AOPEP: variants seen among roughly 807,000 people sequenced by gnomAD.
AOPEP encodes aminopeptidase O (putative).
Under a neutral mutation model 98.1 loss-of-function variants are expected in AOPEP, and 77 were observed. That is an observed-to-expected ratio of 0.78 (90% CI 0.65 to 0.95). AOPEP has a LOEUF of 0.95. Among genes scored for constraint, AOPEP ranks in the 40% least tolerant of loss-of-function variants. AOPEP has a pLI of 0.00. For synonymous variants in AOPEP, 346 were observed against 365.3 expected (o/e 0.95, Z 0.60); for missense variants, 1,024 against 1,024.7 (o/e 1.00, Z 0.01).
chr9:95,107,820 T>A, the AOPEP span, among the ~76,000 whole-genome samples: 1 of 152,178 alleles, frequency 6.6e-6, no homozygotes, highest in Admixed American at 6.5e-5. Context: ...TTGTTTTAGA[T>A]GCCGGAACAA....
intron 1 of AOPEP, among the ~76,000 whole-genome samples, chr9:94,739,644 CA>C (rs56210021): frequency 0.1 from 8,132 of 79,306 alleles, 199 homozygotes; most frequent in Admixed American, 0.14. Context: ...AACTTCGTCT[CA>C]AAAAAAAAAA....
chr9:95,082,866 GC>G (rs1162322932), intron 16 of AOPEP, 147 bp downstream of exon 16: 2 of 887,272 alleles, frequency 2.3e-6, no homozygotes, highest in Admixed American at 2.5e-5. Flanking sequence ...AGAGTAACTG[GC>G]CAAGTGGGTG....
intron 2 of AOPEP, 60 bp downstream of exon 2, chr9:94,760,640 C>A: frequency 7.4e-7 from 1 of 1,358,298 alleles, no homozygotes; most frequent in Non-Finnish European, 1.0e-6. Flanking sequence ...TGCGGGGATG[C>A]TTTCAAACAT....
At chr9:94,859,231 G>A (rs78002119) in intron 5 of AOPEP, among the ~76,000 whole-genome samples, 5 of 152,096 alleles carry the variant, frequency 3.3e-5, no homozygotes, top group South Asian at 2.1e-4. Context: ...GAACCTGACC[G>A]TGCTAGCATA....
intron 3 of AOPEP, among the ~76,000 whole-genome samples, chr9:94,782,054 G>A (rs573397499): frequency 6.6e-5 from 10 of 151,596 alleles, no homozygotes; most frequent in South Asian, 2.1e-4. Flanking sequence ...TTAGCCGGGC[G>A]TGGTGGCAGG....
At chr9:94,743,431 T>C (rs749230077) in intron 1 of AOPEP, among the ~76,000 whole-genome samples, 4 of 152,108 alleles carry the variant, frequency 2.6e-5, no homozygotes, top group African/African-American at 4.8e-5. Flanking sequence ...TGTAGTGAAG[T>C]GGTGTGATCA....
chr9:95,017,253 A>G (rs2063084956), intron 13 of AOPEP, among the ~76,000 whole-genome samples: 3 of 152,126 alleles, frequency 2.0e-5, no homozygotes, highest in Admixed American at 1.3e-4. Flanking sequence ...ACATCACTTA[A>G]TTATGGGGAA....
chr9:95,113,392 C>G, the AOPEP span, among the ~76,000 whole-genome samples: 1 of 152,156 alleles, frequency 6.6e-6, no homozygotes, highest in South Asian at 2.1e-4. Context: ...AAATTATACT[C>G]TGAAAGAGGA....
At chr9:94,808,498 G>C (rs1849759691) in intron 5 of AOPEP, among the ~76,000 whole-genome samples, 1 of 152,202 alleles carries the variant, frequency 6.6e-6, no homozygotes, top group African/African-American at 2.4e-5. Context: ...TTTAACCCCA[G>C]AGTGGAGCTC....
At chr9:94,867,982 T>C (rs575079175) in intron 5 of AOPEP, among the ~76,000 whole-genome samples, 1 of 152,320 alleles carries the variant, frequency 6.6e-6, no homozygotes, top group Admixed American at 6.5e-5. Context: ...CTTCCTGTTT[T>C]CTCAACCCAT....
chr9:95,077,545 C>T (rs535060170), intron 14 of AOPEP, among the ~76,000 whole-genome samples: 110 of 152,280 alleles, frequency 7.2e-4, no homozygotes, highest in African/African-American at 1.8e-3. Context: ...TGACCACCCT[C>T]GTTAATAAAT....
At chr9:94,874,553 C>T (rs2046704564) in intron 5 of AOPEP, among the ~76,000 whole-genome samples, 2 of 152,136 alleles carry the variant, frequency 1.3e-5, no homozygotes, top group South Asian at 4.1e-4. Flanking sequence ...CTCACTGTGT[C>T]CTAAGGTATG....
chr9:95,053,084 C>T (rs2133820917), intron 13 of AOPEP, among the ~76,000 whole-genome samples: 1 of 152,220 alleles, frequency 6.6e-6, no homozygotes, highest in Non-Finnish European at 1.5e-5. Context: ...TGTTAGAGCA[C>T]ATGCTTTAAT....
chr9:94,853,184 G>A (rs1161078616), intron 5 of AOPEP, among the ~76,000 whole-genome samples: 1 of 152,184 alleles, frequency 6.6e-6, no homozygotes, highest in Non-Finnish European at 1.5e-5. Flanking sequence ...ACAAGGCTGG[G>A]CGCAGTGGCT....
In AOPEP at chr9:95,065,014, T is replaced by C. The variant is rs868331140; in HGVS notation, c.2232+4204T>C. 3.9e-5 allele frequency among the ~76,000 whole-genome samples: 6 copies of C among 152,350 alleles called. No homozygotes were observed. In the South Asian group the frequency reaches 1.2e-3, roughly 32 times the overall value. ...CTTTGGAGGGCTTGGAGATGTGAAA[T>C]GTTCAGGAGGGTCTTTTCCCTGCTG... On this transcript the variant is annotated intron_variant, in intron 14 of 16. Coordinates refer to ENST00000375315, the MANE Select transcript of AOPEP (RefSeq NM_001193329.3).
chr9:94,965,915 T>C (rs1340119099), intron 9 of AOPEP, among the ~76,000 whole-genome samples: 1 of 151,352 alleles, frequency 6.6e-6, no homozygotes, highest in Non-Finnish European at 1.5e-5. Flanking sequence ...GGCTTCGGTC[T>C]GCAGTTAACT....
the AOPEP span, among the ~76,000 whole-genome samples, chr9:95,144,446 T>C: frequency 1.3e-5 from 2 of 152,320 alleles, no homozygotes; most frequent in East Asian, 1.9e-4. Context: ...GTGGGCCTGC[T>C]TGGGGAGCCG....
intron 11 of AOPEP, chr9:95,004,882 G>C (rs1197359937): frequency 6.8e-6 from 1 of 146,974 alleles, no homozygotes; most frequent in African/African-American, 2.5e-5. Flanking sequence ...ACCTGCGGGA[G>C]GCGGCGCGGC....
chr9:94,994,308 G>GT (rs1430640106), intron 11 of AOPEP, among the ~76,000 whole-genome samples: 1 of 152,164 alleles, frequency 6.6e-6, no homozygotes, highest in Non-Finnish European at 1.5e-5. Context: ...TAGAATTGTA[G>GT]TTTTTAACTT....
Sources: gnomAD v4.1 joint callset for allele counts (sites outside exome capture counted in the v4.1 genomes callset) on GRCh38, gnomAD v4.1.1 for gene constraint, MANE v1.5 for transcripts, NCBI Gene and HGNC (gene_info 2026-07-23, HGNC 2026-07-21) for gene names.